Variants in CEP170 observed in about 807,000 individuals in gnomAD.
The protein encoded by CEP170 is centrosomal protein of 170 kDa.
In CEP170, 21 loss-of-function variants were observed where a neutral mutation model predicts 151.9. The ratio of observed to expected loss-of-function variants is 0.14; its 90% CI spans 0.10 to 0.20. CEP170 has a LOEUF of 0.20. Among genes scored for constraint, CEP170 ranks in the 10% least tolerant of loss-of-function variants. The probability of loss-of-function intolerance (pLI) is 1.00; values close to 1 mark genes in which losing one functional copy is unlikely to be tolerated. For missense variants in CEP170, 964 were observed against 1,892.9 expected (o/e 0.51, Z 9.11); for synonymous variants, 356 against 648.8 (o/e 0.55, Z 6.86).
rs535528326 is a variant in CEP170 at position 243,166,140 on chromosome 1, A to G, written c.1844-24T>C. On this transcript the variant is annotated intron_variant, in intron 12 of 19. Coordinates refer to ENST00000366542, the MANE Select transcript of CEP170 (RefSeq NM_014812.3). ...CTCTATGAAATAAAAACCACAAAGA[A>G]GGAATTGATTAAGACAAATAAAATA... 172 of 1,610,420 alleles carry G rather than the reference A, an allele frequency of 1.1e-4. 1 individual carries two copies. Among genetic ancestry groups the G allele is most frequent in the South Asian group, 9.5e-4 (86 of 90,550 alleles).
intron 10 of CEP170, among the ~76,000 whole-genome samples, chr1:243,178,079 G>A (rs2059365888): frequency 1.3e-5 from 2 of 152,180 alleles, no homozygotes; most frequent in South Asian, 2.1e-4. Flanking sequence ...TGTAATTCCA[G>A]CACTTTGGGA....
chr1:243,194,548 A>T (rs1462919980), intron 7 of CEP170, among the ~76,000 whole-genome samples: 1 of 151,954 alleles, frequency 6.6e-6, no homozygotes, highest in Non-Finnish European at 1.5e-5. Flanking sequence ...GTAAAGTTCA[A>T]TCATCTGGAA....
chr1:243,151,072 A>G (rs1050400892), intron 14 of CEP170, among the ~76,000 whole-genome samples: 4 of 152,264 alleles, frequency 2.6e-5, no homozygotes, highest in Non-Finnish European at 5.9e-5. Flanking sequence ...TGGTGATACC[A>G]TCTACTACAA....
At chr1:243,212,646 A>G (rs1243420834) in intron 3 of CEP170, among the ~76,000 whole-genome samples, 1 of 151,814 alleles carries the variant, frequency 6.6e-6, no homozygotes, top group Non-Finnish European at 1.5e-5. Context: ...AATAACCAAC[A>G]AAAAAATATT....
At chr1:243,177,136 G>T (rs1426283808) in intron 10 of CEP170, among the ~76,000 whole-genome samples, 1 of 152,154 alleles carries the variant, frequency 6.6e-6, no homozygotes, top group Non-Finnish European at 1.5e-5. Flanking sequence ...TTTGCAGAGA[G>T]GTCAAAATTT....
At chr1:243,205,668 T>A (rs1455647086) in intron 4 of CEP170, among the ~76,000 whole-genome samples, 1 of 152,218 alleles carries the variant, frequency 6.6e-6, no homozygotes, top group Non-Finnish European at 1.5e-5. Context: ...AAGTAACTTG[T>A]ATTCCAGAAG....
rs184040665 is a variant in CEP170, at chr1:243,212,601, T to C, written c.196-637A>G. On this transcript the variant is annotated intron_variant, in intron 3 of 19. Transcript: ENST00000366542. ...CAATTATTCCAAACAACGCTAAAAG[T>C]GATCCAAATAATAAGACAAAAGAAT... Among the ~76,000 whole-genome samples, 160 of 152,294 alleles carry C rather than the reference T, an allele frequency of 1.1e-3. 1 individual carries two copies. The highest frequency in any genetic ancestry group is 3.6e-3 in the African/African-American group (149 of 41,556).
chr1:243,156,431 G>A lies in CEP170; in HGVS notation c.3701C>T (p.Pro1234Leu). The A allele has an allele frequency of 6.5e-7, 1 of 1,547,494 alleles. No homozygotes were observed. The highest frequency in any genetic ancestry group is 8.7e-7 in the Non-Finnish European group (1 of 1,145,326). Residue 1234 changes from proline to leucine, a missense_variant, in exon 14 of 20, where the codon CCT becomes CTT. Pro to Leu is a moderately conservative substitution (Grantham distance 98). Transcript: ENST00000366542. ...TTCTGAGGTGGAAGCATAATCAGTA[G>A]GAAAGCGCCTCCATCTTGAATTTAC... ...ASVNSRWRRF[P>L]TDYASTSEDE...
At chr1:243,198,441 A>G (rs1457275217) in intron 7 of CEP170, among the ~76,000 whole-genome samples, 1 of 152,114 alleles carries the variant, frequency 6.6e-6, no homozygotes, top group East Asian at 1.9e-4. Context: ...CATTACAATG[A>G]GCACACTGAG....
rs2053735264 is a variant in CEP170 at position 243,126,691 on chromosome 1, T to C, written c.4513A>G (p.Asn1505Asp). The change falls in exon 20 of 20, where the codon AAC (asparagine) becomes GAC (aspartate). Residue 1505 changes from asparagine (N) to aspartate (D), a missense_variant. Coordinates refer to ENST00000366542, the MANE Select transcript of CEP170 (RefSeq NM_014812.3). ...DPDGTLEALN[N>D]MGFPSAMLPS... ...AACATAGCACTGGGAAATCCCATGT[T>C]GTTCAGAGCCTCCAAAGTTCCATCA... 13 of 1,537,126 alleles carry C rather than the reference T, an allele frequency of 8.5e-6. No homozygotes were observed. In the East Asian group the frequency reaches 3.1e-4, roughly 37 times the overall value.
chr1:243,220,346 T>G, intron 3 of CEP170, among the ~76,000 whole-genome samples: 1 of 151,880 alleles, frequency 6.6e-6, no homozygotes. Flanking sequence ...AGGTGGATAA[T>G]GCTAAATGTG....
chr1:243,159,935 C>T (rs1280077912), intron 13 of CEP170, among the ~76,000 whole-genome samples: 4 of 152,040 alleles, frequency 2.6e-5, no homozygotes, highest in Non-Finnish European at 5.9e-5. Context: ...ATTACAGGCA[C>T]CTGCCACCAT....
chr1:243,131,278 T>C (rs1156501755), intron 17 of CEP170, among the ~76,000 whole-genome samples: 1 of 152,120 alleles, frequency 6.6e-6, no homozygotes, highest in Non-Finnish European at 1.5e-5. Flanking sequence ...GATCACTTGA[T>C]GCCAGGAGAT....
intron 17 of CEP170, among the ~76,000 whole-genome samples, chr1:243,131,791 A>T (rs1007842825): frequency 1.3e-5 from 2 of 152,228 alleles, no homozygotes; most frequent in African/African-American, 4.8e-5. Context: ...GCTAAACTTC[A>T]GCATGAAAAT....
intron 1 of CEP170, among the ~76,000 whole-genome samples, chr1:243,226,635 G>T: frequency 6.6e-6 from 1 of 152,124 alleles, no homozygotes; most frequent in Non-Finnish European, 1.5e-5. Context: ...TTTCTTGAAG[G>T]TTTTTTGCAA....
intron 14 of CEP170, among the ~76,000 whole-genome samples, chr1:243,142,845 A>G (rs1351680553): frequency 6.6e-6 from 1 of 152,152 alleles, no homozygotes; most frequent in Non-Finnish European, 1.5e-5. Flanking sequence ...GTATTCACTA[A>G]CCTCTAAGTG....
At chr1:243,252,604 G>T (rs376510393) in intron 1 of CEP170, among the ~76,000 whole-genome samples, 7 of 152,132 alleles carry the variant, frequency 4.6e-5, no homozygotes, top group African/African-American at 1.7e-4. Context: ...GTATGCTAAG[G>T]TTTACAGTAT....
intron 4 of CEP170, among the ~76,000 whole-genome samples, chr1:243,202,414 C>G (rs2061107738): frequency 1.3e-5 from 2 of 152,030 alleles, no homozygotes; most frequent in Non-Finnish European, 2.9e-5. Flanking sequence ...CACAATTCAT[C>G]CATGTATCCA....
At chr1:243,245,839 G>A (rs1359026573) in intron 1 of CEP170, among the ~76,000 whole-genome samples, 1 of 152,090 alleles carries the variant, frequency 6.6e-6, no homozygotes, top group African/African-American at 2.4e-5. Flanking sequence ...CCAGCTACCT[G>A]GGAGACTGAG....
Sources: gnomAD v4.1 joint callset for allele counts (sites outside exome capture counted in the v4.1 genomes callset) on GRCh38, gnomAD v4.1.1 for gene constraint, MANE v1.5 for transcripts, NCBI Gene and HGNC (gene_info 2026-07-23, HGNC 2026-07-21) for gene names.